Variants in OTOGL observed in about 807,000 individuals in gnomAD.
OTOGL encodes the protein otogelin-like protein.
In OTOGL, 285 loss-of-function variants were observed where a neutral mutation model predicts 318.5. That is an observed-to-expected ratio of 0.89 (90% CI 0.81 to 0.99). The LOEUF (loss-of-function observed/expected upper bound fraction) is 0.99. OTOGL is among the 50% of genes least tolerant of loss of function. The probability of loss-of-function intolerance (pLI) is 0.00; values close to 1 mark genes in which losing one functional copy is unlikely to be tolerated. For missense variants in OTOGL, 2,899 were observed against 2,845.6 expected (o/e 1.02, Z -0.43); for synonymous variants, 987 against 936.5 (o/e 1.05, Z -0.99).
At chr12:80,308,085 C>G (rs1213838094) in intron 29 of OTOGL, among the ~76,000 whole-genome samples, 1 of 137,938 alleles carries the variant, frequency 7.2e-6, no homozygotes, top group African/African-American at 2.8e-5. Context: ...GGCGGCTGGC[C>G]GGGTGGGGGG....
At chr12:80,122,564 A>G (rs1217492798) in intron 1 of OTOGL, among the ~76,000 whole-genome samples, 1 of 152,178 alleles carries the variant, frequency 6.6e-6, no homozygotes, top group African/African-American at 2.4e-5. Context: ...TTCAGAAGAT[A>G]ATTTCTTTTC....
At chr12:80,303,723 G>A (rs907562604) in intron 28 of OTOGL, among the ~76,000 whole-genome samples, 2 of 152,086 alleles carry the variant, frequency 1.3e-5, no homozygotes, top group African/African-American at 4.8e-5. Context: ...AGGGGGAAAT[G>A]CCACACTTTT....
At chr12:80,135,981 T>C (rs950376249) in intron 1 of OTOGL, among the ~76,000 whole-genome samples, 1 of 152,242 alleles carries the variant, frequency 6.6e-6, no homozygotes, top group Non-Finnish European at 1.5e-5. Flanking sequence ...ATATTGGCTG[T>C]GCAGATTTTG....
At chr12:80,269,303 T>C (rs1437257843) in intron 22 of OTOGL, among the ~76,000 whole-genome samples, 6 of 152,172 alleles carry the variant, frequency 3.9e-5, no homozygotes. Context: ...TCCATCATGT[T>C]ATCTTCTTCA....
rs1376794507 is a variant in OTOGL, at chr12:80,378,156, A to G, written c.*108A>G. 5 of 819,146 alleles carry G rather than the reference A, an allele frequency of 6.1e-6. No homozygotes were observed. Among genetic ancestry groups the G allele is most frequent in the Non-Finnish European group, 9.2e-6 (5 of 543,624 alleles). The allele number at this position is 819,146 out of a possible 1,614,324, so 50.7% of individuals were successfully genotyped here. ...GATTTATGCTGTTTAACAATACTGT[A>G]TTTTTCAGACTTGGAATGTGGAAAT... is the stretch of plus-strand genomic sequence containing the variant. On this transcript the variant is annotated 3_prime_UTR_variant, in exon 59 of 59. Coordinates refer to ENST00000547103, the MANE Select transcript of OTOGL (RefSeq NM_001378609.3).
chr12:80,363,396 G>A (rs1890346372), intron 52 of OTOGL, among the ~76,000 whole-genome samples: 1 of 152,036 alleles, frequency 6.6e-6, no homozygotes, highest in South Asian at 2.1e-4. Context: ...AACATTAGAG[G>A]GCAGGAGATC....
chr12:80,271,207 C>G (rs891644676), intron 23 of OTOGL, among the ~76,000 whole-genome samples: 3 of 152,176 alleles, frequency 2.0e-5, no homozygotes, highest in Admixed American at 6.5e-5. Flanking sequence ...TTTGGCCCCA[C>G]TTGAGGCAAT....
intron 24 of OTOGL, among the ~76,000 whole-genome samples, chr12:80,272,739 T>C (rs1046418777): frequency 2.0e-5 from 3 of 152,034 alleles, no homozygotes; most frequent in Admixed American, 2.0e-4. Context: ...TTTGTCTAAA[T>C]GGCCCCCATC....
chr12:80,166,188 C>G lies in OTOGL; in HGVS notation c.-19-43225C>G, dbSNP rs1873816849. ...AGCTTTTCCTTTCCTCTCTCCCTCC[C>G]TTCTTCCTCTCTCTCTCTCTCTCCC... On this transcript the variant is annotated intron_variant, in intron 1 of 58. Coordinates refer to ENST00000547103, the MANE Select transcript of OTOGL (RefSeq NM_001378609.3). 1.8e-5 allele frequency among the ~76,000 whole-genome samples: 2 copies of G among 113,018 alleles called. 1 individual carries two copies. Among genetic ancestry groups the G allele is most frequent in the African/African-American group, 6.7e-5 (2 of 29,964 alleles). The allele number at this position is 113,018 out of a possible 152,430, so 74.1% of individuals were successfully genotyped here. A position where few individuals can be genotyped will look rare whatever the true frequency, so the allele number is the denominator to read the frequency against.
intron 41 of OTOGL, 44 bp downstream of exon 41, chr12:80,336,864 C>T: frequency 6.5e-7 from 1 of 1,538,480 alleles, no homozygotes; most frequent in Non-Finnish European, 8.8e-7. Flanking sequence ...CTGTTTATCA[C>T]TACAATTGTG....
intron 1 of OTOGL, among the ~76,000 whole-genome samples, chr12:80,145,272 T>C (rs1009243676): frequency 6.6e-6 from 1 of 151,926 alleles, no homozygotes; most frequent in East Asian, 1.9e-4. Flanking sequence ...GCTTTCTACA[T>C]ATGGCTAGCC....
intron 1 of OTOGL, among the ~76,000 whole-genome samples, chr12:80,116,795 T>C (rs771462138): frequency 7.2e-5 from 11 of 152,204 alleles, no homozygotes; most frequent in Non-Finnish European, 1.3e-4. Context: ...AATCCTCTCC[T>C]TCCAAGAGAA....
At chr12:80,347,330 C>A (rs1195819051) in intron 44 of OTOGL, among the ~76,000 whole-genome samples, 2 of 151,834 alleles carry the variant, frequency 1.3e-5, no homozygotes, top group Non-Finnish European at 2.9e-5. Context: ...GTATGATGTT[C>A]CCCTCCCTGT....
intron 29 of OTOGL, among the ~76,000 whole-genome samples, chr12:80,307,893 C>A (rs1416265863): frequency 2.3e-5 from 3 of 133,296 alleles, no homozygotes; most frequent in African/African-American, 9.8e-5. Context: ...CCCTCCCTCC[C>A]GGACGGGGCG....
intron 1 of OTOGL, among the ~76,000 whole-genome samples, chr12:80,156,124 G>T (rs1299944365): frequency 6.6e-6 from 1 of 152,210 alleles, no homozygotes; most frequent in Non-Finnish European, 1.5e-5. Context: ...TGAGTCCGTG[G>T]ACTGCGAAAG....
chr12:80,313,683 C>A, intron 31 of OTOGL, 51 bp downstream of exon 31: 1 of 1,421,148 alleles, frequency 7.0e-7, no homozygotes, highest in Non-Finnish European at 9.5e-7. Flanking sequence ...TAAAGAGATA[C>A]ATATTAATTG....
intron 44 of OTOGL, chr12:80,343,509 G>GGTTTTTTTTTTTTTTTTTGTTTTT: frequency 2.8e-5 from 1 of 35,868 alleles, no homozygotes; most frequent in Non-Finnish European, 5.0e-5. Context: ...TTTTATTCTT[G>GGTTTTTTTTTTTTTTTTTGTTTTT]TTTTTTTTTT....
intron 1 of OTOGL, among the ~76,000 whole-genome samples, chr12:80,124,394 T>A (rs1870680042): frequency 6.6e-6 from 1 of 152,206 alleles, no homozygotes; most frequent in Non-Finnish European, 1.5e-5. Flanking sequence ...TCCATTGGTC[T>A]ATATCTCTGT....
At position 80,232,857 on chromosome 12, in the gene OTOGL, A is replaced by C. The variant is rs776289871; in HGVS notation, c.612-35A>C. 4.6e-6 allele frequency: 7 copies of C among 1,513,298 alleles called. No individual in the cohort carries two copies. In the African/African-American group the frequency reaches 9.6e-5, roughly 21 times the overall value. 93.7% of individuals were successfully genotyped at this position (1,513,298 alleles called of 1,614,324 possible). A position where few individuals can be genotyped will look rare whatever the true frequency, so the allele number is the denominator to read the frequency against. On this transcript the variant is annotated intron_variant, in intron 8 of 58. Transcript: ENST00000547103. ...TGTCATCTGTAATTGAGACTTTATC[A>C]TCATTCTTAGATAGCTTTTGTTCTG...
Sources: gnomAD v4.1 joint callset for allele counts (sites outside exome capture counted in the v4.1 genomes callset) on GRCh38, gnomAD v4.1.1 for gene constraint, MANE v1.5 for transcripts, NCBI Gene and HGNC (gene_info 2026-07-23, HGNC 2026-07-21) for gene names.